The following DCC variants were observed in gnomAD, a reference collection of about 807,000 sequenced individuals.
The protein encoded by DCC is DCC netrin 1 receptor.
In DCC, 58 loss-of-function variants were observed where a neutral mutation model predicts 172.5. The observed-to-expected ratio is 0.34, with a 90% CI of 0.27 to 0.42. DCC has a LOEUF of 0.42. Ranked by LOEUF, DCC falls within the 10% of genes least tolerant of loss-of-function variation. The pLI is 1.00. For missense variants in DCC, 1,740 were observed against 1,791.0 expected (o/e 0.97, Z 0.51); for synonymous variants, 709 against 644.5 (o/e 1.10, Z -1.52).
intron 15 of DCC, among the ~76,000 whole-genome samples, chr18:53,375,569 A>G (rs998087995): frequency 2.0e-5 from 3 of 150,546 alleles, no homozygotes; most frequent in African/African-American, 7.3e-5. Flanking sequence ...TTTCTTAATA[A>G]TTGAGTCCTT....
At chr18:52,880,222 T>G (rs998367832) in intron 2 of DCC, among the ~76,000 whole-genome samples, 9 of 152,066 alleles carry the variant, frequency 5.9e-5, no homozygotes, top group Admixed American at 5.9e-4. Context: ...CTGCAACTTC[T>G]GCCTCCTGTG....
intron 1 of DCC, among the ~76,000 whole-genome samples, chr18:52,673,372 T>C (rs1430016035): frequency 6.6e-6 from 1 of 152,220 alleles, no homozygotes; most frequent in African/African-American, 2.4e-5. Flanking sequence ...TTCCTGACCT[T>C]TTGAGGAATA....
At chr18:52,838,250 TTTATA>T (rs1401623546) in intron 2 of DCC, among the ~76,000 whole-genome samples, 2 of 152,184 alleles carry the variant, frequency 1.3e-5, no homozygotes, top group East Asian at 1.9e-4. Context: ...GTATTATACT[TTTATA>T]TTATGAATTT....
chr18:52,725,033 C>G (rs561117043), intron 1 of DCC, among the ~76,000 whole-genome samples: 2 of 152,274 alleles, frequency 1.3e-5, no homozygotes, highest in East Asian at 1.9e-4. Context: ...ACCAGGGAAC[C>G]TACCCGATCT....
chr18:53,465,368 G>C (rs892279862), intron 24 of DCC, among the ~76,000 whole-genome samples: 1 of 151,812 alleles, frequency 6.6e-6, no homozygotes, highest in Non-Finnish European at 1.5e-5. Context: ...ACCCAATTCT[G>C]TTTGGTAGTT....
At chr18:52,704,886 T>C (rs2036180348) in intron 1 of DCC, among the ~76,000 whole-genome samples, 1 of 152,174 alleles carries the variant, frequency 6.6e-6, no homozygotes, top group Admixed American at 6.5e-5. Context: ...GTCATTTCTT[T>C]GAGCTGGAGG....
intron 2 of DCC, among the ~76,000 whole-genome samples, chr18:52,808,012 G>T (rs903109838): frequency 6.6e-6 from 1 of 152,156 alleles, no homozygotes; most frequent in Non-Finnish European, 1.5e-5. Flanking sequence ...TGGCTCTGGG[G>T]TTGCTGTGAC....
At chr18:53,262,158 A>T (rs1225538841) in intron 12 of DCC, among the ~76,000 whole-genome samples, 1 of 152,238 alleles carries the variant, frequency 6.6e-6, no homozygotes, top group African/African-American at 2.4e-5. Context: ...TCAGAAGCCA[A>T]CATGGCAGAT....
chr18:53,359,925 C>T (rs1475420719), intron 15 of DCC, among the ~76,000 whole-genome samples: 2 of 152,110 alleles, frequency 1.3e-5, no homozygotes, highest in Admixed American at 6.6e-5. Flanking sequence ...AATATCATTT[C>T]CTGTATCTGT....
intron 7 of DCC, among the ~76,000 whole-genome samples, chr18:53,125,660 A>G (rs775106327): frequency 2.0e-5 from 3 of 152,110 alleles, no homozygotes; most frequent in Non-Finnish European, 2.9e-5. Context: ...ATGGTGCTGT[A>G]GTTGCTTTCA....
chr18:52,887,476 A>C (rs1012213677), intron 2 of DCC, among the ~76,000 whole-genome samples: 2 of 152,190 alleles, frequency 1.3e-5, no homozygotes, highest in Non-Finnish European at 2.9e-5. Context: ...AGAGATTGAT[A>C]CTATGCAATT....
chr18:52,907,899 C>A lies in DCC; in HGVS notation c.697+1571C>A, dbSNP rs145115008. Reference sequence around the variant, plus strand: ...ATTGATATGATGATTTTAAAAAAGTCATTTCTCTCCAACTCTTATTTTACT... The same window carrying A: ...ATTGATATGATGATTTTAAAAAAGTAATTTCTCTCCAACTCTTATTTTACT... On this transcript the variant is annotated intron_variant, in intron 3 of 28. Coordinates refer to ENST00000442544, the MANE Select transcript of DCC (RefSeq NM_005215.4). Among the ~76,000 whole-genome samples the A allele has an allele frequency of 2.1e-4, 32 of 152,226 alleles. No homozygotes were observed. The East Asian group carries it at 6.2e-3, about 29-fold the overall frequency.
chr18:52,795,369 A>G (rs192979003), intron 2 of DCC, among the ~76,000 whole-genome samples: 4 of 152,036 alleles, frequency 2.6e-5, no homozygotes, highest in Non-Finnish European at 1.5e-5. Flanking sequence ...GTATGCGTTT[A>G]GGAATGTTTC....
chr18:52,459,749 G>A (rs547476116), intron 1 of DCC, among the ~76,000 whole-genome samples: 31 of 152,094 alleles, frequency 2.0e-4, no homozygotes, highest in Middle Eastern at 3.4e-3. Context: ...GATTACAGGC[G>A]TGAGCAACCG....
chr18:53,236,215 T>A (rs1405192648), intron 12 of DCC, among the ~76,000 whole-genome samples: 1 of 152,162 alleles, frequency 6.6e-6, no homozygotes, highest in Non-Finnish European at 1.5e-5. Context: ...AAATTCCAGT[T>A]GTCCAATCCC....
At chr18:52,614,809 T>A (rs1315622789) in intron 1 of DCC, among the ~76,000 whole-genome samples, 1 of 152,178 alleles carries the variant, frequency 6.6e-6, no homozygotes, top group Non-Finnish European at 1.5e-5. Flanking sequence ...TGTGTCTCTA[T>A]AATGTATCCT....
chr18:52,701,604 T>C (rs2036123578), intron 1 of DCC, among the ~76,000 whole-genome samples: 1 of 152,260 alleles, frequency 6.6e-6, no homozygotes. Flanking sequence ...TATGTCTTTT[T>C]AGACCTATCG....
chr18:53,276,252 G>A (rs1197954961), intron 12 of DCC, among the ~76,000 whole-genome samples: 1 of 152,010 alleles, frequency 6.6e-6, no homozygotes, highest in Non-Finnish European at 1.5e-5. Context: ...TTGTAAACAG[G>A]CTGCTTAACA....
intron 1 of DCC, among the ~76,000 whole-genome samples, chr18:52,658,519 G>C (rs2035297845): frequency 6.6e-6 from 1 of 151,978 alleles, no homozygotes; most frequent in Non-Finnish European, 1.5e-5. Context: ...TTCAATTTGG[G>C]TCAGTGACCC....
Sources: gnomAD v4.1 joint callset for allele counts (sites outside exome capture counted in the v4.1 genomes callset) on GRCh38, gnomAD v4.1.1 for gene constraint, MANE v1.5 for transcripts, NCBI Gene and HGNC (gene_info 2026-07-23, HGNC 2026-07-21) for gene names.